The following UBXN7 variants were observed in gnomAD, a reference collection of about 807,000 sequenced individuals.
The protein encoded by UBXN7 is UBX domain-containing protein 7.
A neutral mutation model predicts 58.0 loss-of-function variants in UBXN7; 9 were observed. The ratio of observed to expected loss-of-function variants is 0.16; its 90% confidence interval spans 0.09 to 0.27. The LOEUF (loss-of-function observed/expected upper bound fraction) is 0.27. UBXN7 is among the 10% of genes least tolerant of loss of function. The pLI, the probability that UBXN7 is intolerant of heterozygous loss-of-function variation, is 1.00. For missense variants in UBXN7, 328 were observed against 599.6 expected, an observed-to-expected ratio of 0.55 and a Z score of 4.73; for synonymous variants, 208 against 205.0, an observed-to-expected ratio of 1.01 and a Z score of -0.12.
chr3:196,365,768 C>A (rs1418431371), intron 8 of UBXN7, among the ~76,000 whole-genome samples: 1 of 152,056 alleles, frequency 6.6e-6, no homozygotes, highest in Non-Finnish European at 1.5e-5. Context: ...CTTGCTAAAG[C>A]TTATCCAAGA....
At chr3:196,430,618 G>A (rs1048247726) in intron 1 of UBXN7, among the ~76,000 whole-genome samples, 2 of 151,604 alleles carry the variant, frequency 1.3e-5, no homozygotes, top group African/African-American at 4.8e-5. Context: ...GCAACTCCTC[G>A]CCCCATGTGA....
chr3:196,360,725 T>C (rs933589723), intron 10 of UBXN7, among the ~76,000 whole-genome samples: 2 of 152,200 alleles, frequency 1.3e-5, no homozygotes, highest in African/African-American at 4.8e-5. Flanking sequence ...TTTCAACTTT[T>C]AAATCTTATT....
chr3:196,358,124 A>G (rs1728401758), intron 10 of UBXN7, among the ~76,000 whole-genome samples: 1 of 152,244 alleles, frequency 6.6e-6, no homozygotes, highest in South Asian at 2.1e-4. Flanking sequence ...CCGCAGCGTC[A>G]CCATGATGAA....
chr3:196,426,396 A>AG (rs1337525868), intron 1 of UBXN7, among the ~76,000 whole-genome samples: 3 of 151,588 alleles, frequency 2.0e-5, no homozygotes, highest in Non-Finnish European at 4.4e-5. Context: ...AAAAAAAAAA[A>AG]AAAAAAGAAA....
intron 1 of UBXN7, among the ~76,000 whole-genome samples, chr3:196,415,277 C>T (rs1013051931): frequency 5.3e-5 from 8 of 150,802 alleles, no homozygotes; most frequent in Non-Finnish European, 1.2e-4. Context: ...CCTCAGCCTC[C>T]CGAGGAGCTG....
Position 196,396,632 on chromosome 3 carries a change from G to A in UBXN7, c.290-3013C>T, listed in dbSNP as rs191113207. Reference sequence around the variant, plus strand: ...GAAAAAATTAGTCAGGCGTGGTGGCGGGTACCTGTAGTCCCAGCTACTCGG... The same window carrying A: ...GAAAAAATTAGTCAGGCGTGGTGGCAGGTACCTGTAGTCCCAGCTACTCGG... On this transcript the variant is annotated intron_variant, in intron 3 of 10. Coordinates refer to ENST00000296328, the MANE Select transcript of UBXN7 (RefSeq NM_015562.2). 7.9e-5 allele frequency among the ~76,000 whole-genome samples: 12 copies of A among 151,974 alleles called. 1 individual carries two copies. Among genetic ancestry groups the A allele is most frequent in the African/African-American group, 2.7e-4 (11 of 41,472 alleles).
rs1728303203 is a variant in UBXN7, at chr3:196,354,881, A to G, written c.*1804T>C. The G allele has an allele frequency of 6.6e-6, 1 of 151,620 alleles. No homozygotes were observed. Among genetic ancestry groups the G allele is most frequent in the Non-Finnish European group, 1.5e-5 (1 of 67,902 alleles). 9.4% of individuals were successfully genotyped at this position (151,620 alleles called of 1,614,324 possible). A position where few individuals can be genotyped will look rare whatever the true frequency, so the allele number is the denominator to read the frequency against. ...TAAATATTTATACAATTATATACTTATACATAAGCACTTACACAGACTTAG... is the reference window on the plus strand; with the variant it reads ...TAAATATTTATACAATTATATACTTGTACATAAGCACTTACACAGACTTAG... On this transcript the variant is annotated 3_prime_UTR_variant, in exon 11 of 11. Coordinates refer to ENST00000296328, the MANE Select transcript of UBXN7 (RefSeq NM_015562.2).
At chr3:196,381,006 G>A (rs867538073) in intron 5 of UBXN7, among the ~76,000 whole-genome samples, 1 of 152,252 alleles carries the variant, frequency 6.6e-6, no homozygotes, top group Admixed American at 6.5e-5. Flanking sequence ...GCCCACCACA[G>A]CTCAACAAGG....
intron 1 of UBXN7, among the ~76,000 whole-genome samples, chr3:196,415,072 A>G (rs953228723): frequency 2.5e-4 from 38 of 152,084 alleles, no homozygotes; most frequent in African/African-American, 8.7e-4. Context: ...ATTCTTACTC[A>G]TAAAACCTGA....
In UBXN7 at chr3:196,402,935, G is replaced by T; in HGVS notation, c.289+17C>A. ...AGAACAAAATCAAATAAGGCTAAGG[G>T]AAAAAAGTGAACTTACCACCAAATA... On this transcript the variant is annotated intron_variant, in intron 3 of 10. Coordinates refer to ENST00000296328, the MANE Select transcript of UBXN7 (RefSeq NM_015562.2). 6.3e-7 allele frequency: 1 copy of T among 1,587,840 alleles called. No individual in the cohort carries two copies. The highest frequency in any genetic ancestry group is 8.5e-7 in the Non-Finnish European group (1 of 1,174,274).
At chr3:196,428,969 G>A (rs1317891712) in intron 1 of UBXN7, among the ~76,000 whole-genome samples, 1 of 148,790 alleles carries the variant, frequency 6.7e-6, no homozygotes, top group East Asian at 2.0e-4. Context: ...CCAGAAACTG[G>A]AGAACAGCTT....
chr3:196,432,149 C>G, intron 1 of UBXN7, 178 bp downstream of exon 1: 1 of 807,148 alleles, frequency 1.2e-6, no homozygotes, highest in Non-Finnish European at 2.1e-6. Flanking sequence ...CGGGGGGGGG[C>G]TGTCTCCCGC....
chr3:196,432,323 T>G lies in UBXN7; in HGVS notation c.73+4A>C. The G allele has an allele frequency of 6.2e-7, 1 of 1,613,380 alleles. No homozygotes were observed. The highest frequency in any genetic ancestry group is 2.2e-5 in the East Asian group (1 of 44,868). On this transcript the variant is annotated splice_donor_region_variant and intron_variant, in intron 1 of 10. Coordinates refer to ENST00000296328, the MANE Select transcript of UBXN7 (RefSeq NM_015562.2). ...CTCCACCTTCCGGTAACCGCGTCTCTTACCGGTAATGGTGGTGAACTGTTG... is the reference window on the plus strand; with the variant it reads ...CTCCACCTTCCGGTAACCGCGTCTCGTACCGGTAATGGTGGTGAACTGTTG...
Position 196,356,136 on chromosome 3 carries a change from C to A in UBXN7, c.*549G>T, listed in dbSNP as rs963034674. On this transcript the variant is annotated 3_prime_UTR_variant, in exon 11 of 11. Coordinates refer to ENST00000296328, the MANE Select transcript of UBXN7 (RefSeq NM_015562.2). ...ATCATTACAAGGGATGCTTTTTCCA[C>A]GTAAACAAAAGCCTGGATATTTTGT... The A allele has an allele frequency of 6.5e-6, 1 of 152,710 alleles. No homozygotes were observed. Among genetic ancestry groups the A allele is most frequent in the Middle Eastern group, 3.4e-3 (1 of 294 alleles). The allele number at this position is 152,710 out of a possible 1,614,324, so 9.5% of individuals were successfully genotyped here. A position where few individuals can be genotyped will look rare whatever the true frequency, so the allele number is the denominator to read the frequency against.
chr3:196,419,777 G>A (rs958757809), intron 1 of UBXN7, among the ~76,000 whole-genome samples: 7 of 152,166 alleles, frequency 4.6e-5, no homozygotes, highest in Admixed American at 1.3e-4. Context: ...AAGACTACTC[G>A]AACCTTCATT....
intron 6 of UBXN7, among the ~76,000 whole-genome samples, chr3:196,370,107 C>A (rs1005217306): frequency 2.7e-4 from 36 of 135,344 alleles, no homozygotes; most frequent in African/African-American, 9.5e-4. Context: ...TCCTGCCCAG[C>A]GACAATGCAA....
At position 196,403,854 on chromosome 3, in the gene UBXN7, C is replaced by A. The variant is rs528965703; in HGVS notation, c.222-835G>T. 1.5e-4 allele frequency among the ~76,000 whole-genome samples: 23 copies of A among 152,210 alleles called. No individual in the cohort carries two copies. The South Asian group carries it at 4.6e-3, about 30-fold the overall frequency. On this transcript the variant is annotated intron_variant, in intron 2 of 10. Transcript: ENST00000296328. ...TACTCATCTTTTAAAAGCCTATTTT[C>A]TTCAAAGTTTACATTCATAGGGTTT...
chr3:196,422,834 T>C (rs781277460), intron 1 of UBXN7, among the ~76,000 whole-genome samples: 12 of 152,240 alleles, frequency 7.9e-5, no homozygotes, highest in Non-Finnish European at 1.6e-4. Flanking sequence ...TTATTTATAA[T>C]GTCCCCAAAC....
rs1393660363 is a variant in UBXN7, at chr3:196,351,315, C to T, written c.*5370G>A. 2.0e-5 allele frequency: 3 copies of T among 152,220 alleles called. No individual in the cohort carries two copies. The highest frequency in any genetic ancestry group is 7.2e-5 in the African/African-American group (3 of 41,542). 9.4% of individuals were successfully genotyped at this position (152,220 alleles called of 1,614,324 possible). A position where few individuals can be genotyped will look rare whatever the true frequency, so the allele number is the denominator to read the frequency against. ...ATTTGGTTCTCATTTACATTTTAGT[C>T]ATACTCAACACTGATTAGGCACACA... On this transcript the variant is annotated 3_prime_UTR_variant, in exon 11 of 11. Transcript: ENST00000296328.
Sources: gnomAD v4.1 joint callset for allele counts (sites outside exome capture counted in the v4.1 genomes callset) on GRCh38, gnomAD v4.1.1 for gene constraint, MANE v1.5 for transcripts, NCBI Gene and HGNC (gene_info 2026-07-23, HGNC 2026-07-21) for gene names.